RGS7: variants seen among roughly 807,000 people sequenced by gnomAD.
The protein encoded by RGS7 is regulator of G-protein signaling 7.
A neutral mutation model predicts 81.1 loss-of-function variants in RGS7; 27 were observed. The observed-to-expected ratio is 0.33, with a 90% CI of 0.25 to 0.46. RGS7 has a LOEUF of 0.46. Among genes scored for constraint, RGS7 ranks in the 20% least tolerant of loss-of-function variants. RGS7 has a pLI of 1.00. For missense variants in RGS7, 396 were observed against 607.4 expected (o/e 0.65, Z 3.66); for synonymous variants, 208 against 207.7 (o/e 1.00, Z -0.01).
At chr1:240,924,973 T>C (rs16841050) in intron 6 of RGS7, among the ~76,000 whole-genome samples, 4,045 of 152,250 alleles carry the variant, frequency 0.027, 172 homozygotes, top group African/African-American at 0.089. Context: ...AGATGAGTCA[T>C]ACAAGTAAGT....
chr1:240,958,523 T>G (rs1680813103), intron 4 of RGS7, among the ~76,000 whole-genome samples: 1 of 152,208 alleles, frequency 6.6e-6, no homozygotes, highest in Non-Finnish European at 1.5e-5. Context: ...GATTACAGTT[T>G]CTGCTTTCTT....
intron 5 of RGS7, among the ~76,000 whole-genome samples, chr1:240,934,000 G>C (rs1016327841): frequency 6.6e-6 from 1 of 152,032 alleles, no homozygotes; most frequent in Non-Finnish European, 1.5e-5. Context: ...GTCTCGCTCT[G>C]TCACCCAGGC....
At chr1:240,900,874 T>G (rs1669880972) in intron 6 of RGS7, among the ~76,000 whole-genome samples, 1 of 152,220 alleles carries the variant, frequency 6.6e-6, no homozygotes, top group South Asian at 2.1e-4. Flanking sequence ...TTTGTTCAGC[T>G]ATGCCCTGCC....
At chr1:240,990,519 T>C (rs1686307300) in intron 3 of RGS7, among the ~76,000 whole-genome samples, 1 of 152,250 alleles carries the variant, frequency 6.6e-6, no homozygotes, top group African/African-American at 2.4e-5. Context: ...GTGATGTGTA[T>C]ATGATTTTGT....
chr1:240,856,688 G>T (rs1319392694), intron 9 of RGS7, among the ~76,000 whole-genome samples: 4 of 152,110 alleles, frequency 2.6e-5, no homozygotes, highest in African/African-American at 9.7e-5. Context: ...CAACCGTGGT[G>T]CAACTAATCC....
chr1:241,242,851 T>C (rs1449213519), intron 2 of RGS7, among the ~76,000 whole-genome samples: 1 of 152,198 alleles, frequency 6.6e-6, no homozygotes, highest in African/African-American at 2.4e-5. Context: ...TTCCTGATTT[T>C]TGGAGTTCCT....
At chr1:241,192,261 G>A (rs1299361545) in intron 2 of RGS7, among the ~76,000 whole-genome samples, 1 of 148,994 alleles carries the variant, frequency 6.7e-6, no homozygotes, top group Non-Finnish European at 1.5e-5. Context: ...ACGTGTGTGT[G>A]TGTGTGTGTG....
intron 3 of RGS7, among the ~76,000 whole-genome samples, chr1:241,039,506 A>G (rs1284860657): frequency 6.6e-6 from 1 of 152,034 alleles, no homozygotes; most frequent in Non-Finnish European, 1.5e-5. Flanking sequence ...TGAAACAGAT[A>G]TATGGAAACC....
chr1:240,896,729 C>T (rs188822978), intron 6 of RGS7, among the ~76,000 whole-genome samples: 1 of 152,276 alleles, frequency 6.6e-6, no homozygotes, highest in Non-Finnish European at 1.5e-5. Flanking sequence ...ATGCCTCCAG[C>T]TTTGTTCTTT....
At position 241,055,815 on chromosome 1, in the gene RGS7, C is replaced by T. The variant is rs2061450031; in HGVS notation, c.175+42851G>A. On this transcript the variant is annotated intron_variant, in intron 3 of 18. Transcript: ENST00000440928. The stretch of plus-strand genomic sequence containing the variant: ...AGTTTCCCTGGAAACCAGCCCCCAT[C>T]CTGAGGCTACCCAGGAGCCCCCAGC... Among the ~76,000 whole-genome samples the T allele has an allele frequency of 2.0e-5, 3 of 152,194 alleles. No individual in the cohort carries two copies. In the South Asian group the frequency reaches 6.2e-4, roughly 32 times the overall value.
At chr1:240,852,166 A>G (rs1292356972) in intron 9 of RGS7, among the ~76,000 whole-genome samples, 1 of 152,216 alleles carries the variant, frequency 6.6e-6, no homozygotes, top group Admixed American at 6.5e-5. Context: ...TATTTTAAGA[A>G]GTTGCTACAG....
chr1:241,003,763 T>C (rs561357817), intron 3 of RGS7, among the ~76,000 whole-genome samples: 1 of 152,130 alleles, frequency 6.6e-6, no homozygotes, highest in Non-Finnish European at 1.5e-5. Context: ...ATTTATTTAT[T>C]TTTTGAGATG....
chr1:240,953,849 T>A (rs902053437), intron 4 of RGS7, among the ~76,000 whole-genome samples: 1 of 151,964 alleles, frequency 6.6e-6, no homozygotes, highest in Admixed American at 6.5e-5. Context: ...AATTGACAAA[T>A]CTCTGCCCAG....
intron 9 of RGS7, among the ~76,000 whole-genome samples, chr1:240,861,137 C>T (rs372984559): frequency 2.2e-4 from 34 of 152,252 alleles, no homozygotes; most frequent in South Asian, 1.7e-3. Flanking sequence ...AACGAAAATG[C>T]TACAAAATGC....
intron 2 of RGS7, among the ~76,000 whole-genome samples, chr1:241,251,304 C>A (rs1573357326): frequency 6.6e-6 from 1 of 152,176 alleles, no homozygotes; most frequent in African/African-American, 2.4e-5. Context: ...GCTCAGATGT[C>A]TTGCTTTATT....
At chr1:240,951,061 A>G (rs963322530) in intron 4 of RGS7, among the ~76,000 whole-genome samples, 7 of 151,976 alleles carry the variant, frequency 4.6e-5, no homozygotes, top group African/African-American at 1.5e-4. Flanking sequence ...AGCTGAGACC[A>G]CAGGCACGTG....
At chr1:240,859,696 C>A (rs1039384283) in intron 9 of RGS7, among the ~76,000 whole-genome samples, 1 of 151,896 alleles carries the variant, frequency 6.6e-6, no homozygotes, top group African/African-American at 2.4e-5. Flanking sequence ...TATTCTCTTG[C>A]CATTCTCATT....
intron 2 of RGS7, among the ~76,000 whole-genome samples, chr1:241,235,682 TTCTCTC>T (rs1008735748): frequency 3.5e-5 from 1 of 28,180 alleles, no homozygotes; most frequent in African/African-American, 1.5e-4. Context: ...CTCTCTTTCT[TTCTCTC>T]TCTCTTTCTC....
Position 241,299,935 on chromosome 1 carries a change from CAA to C in RGS7, c.78+55762_78+55763del, listed in dbSNP as rs35939099. ...GTAACACACAGATACCTCGTTTCTCCAAAAAAAAAAAAAAAAAAAAAAAGTAA... is the reference window on the plus strand; with the variant it reads ...GTAACACACAGATACCTCGTTTCTCCAAAAAAAAAAAAAAAAAAAAAGTAA... On this transcript the variant is annotated intron_variant, in intron 2 of 18. Transcript: ENST00000440928. 9.1e-3 allele frequency among the ~76,000 whole-genome samples: 528 copies of C among 58,068 alleles called. 4 individuals are homozygous for C. Among genetic ancestry groups the C allele is most frequent in the African/African-American group, 0.032 (488 of 15,030 alleles). The allele number at this position is 58,068 out of a possible 152,430, so 38.1% of individuals were successfully genotyped here. A position where few individuals can be genotyped will look rare whatever the true frequency, so the allele number is the denominator to read the frequency against.
Sources: allele counts gnomAD v4.1 joint callset (sites outside exome capture counted in the v4.1 genomes callset), GRCh38; gene constraint gnomAD v4.1.1; transcripts MANE v1.5; gene names NCBI Gene and HGNC (gene_info 2026-07-23, HGNC 2026-07-21).